TTC21B: variants seen among roughly 807,000 people sequenced by gnomAD.
The protein encoded by TTC21B is tetratricopeptide repeat protein 21B.
TTC21B carries 127 observed loss-of-function variants against 175.1 expected under a neutral mutation model. The observed-to-expected ratio is 0.73, with a 90% CI of 0.63 to 0.84. The LOEUF (loss-of-function observed/expected upper bound fraction) is 0.84, where lower values mean the gene tolerates loss of function less well. Ranked by LOEUF, TTC21B falls within the 40% of genes least tolerant of loss-of-function variation. The pLI is 0.00. For missense variants in TTC21B, 1,561 were observed against 1,558.3 expected (o/e 1.00, Z -0.03); for synonymous variants, 524 against 524.5 (o/e 1.00, Z 0.01).
intron 6 of TTC21B, among the ~76,000 whole-genome samples, chr2:165,937,598 C>T (rs1217789296): frequency 1.3e-5 from 2 of 151,852 alleles, no homozygotes; most frequent in Non-Finnish European, 2.9e-5. Context: ...TAAAACTACC[C>T]TAAAAATACT....
At chr2:165,934,784 G>C (rs1250612702) in intron 6 of TTC21B, 1 of 151,468 alleles carries the variant, frequency 6.6e-6, no homozygotes, top group Non-Finnish European at 1.5e-5. Context: ...AATTGGTGAG[G>C]ATAAGGTAAG....
intron 22 of TTC21B, among the ~76,000 whole-genome samples, chr2:165,896,133 A>AC (rs11273021): frequency 0.95 from 143,810 of 152,128 alleles, 68,505 homozygotes; most frequent in East Asian, 1. Context: ...CTGAGCACAG[A>AC]TGCCTAGGGC....
At chr2:165,940,665 C>A (rs1436484263) in intron 6 of TTC21B, among the ~76,000 whole-genome samples, 1 of 152,184 alleles carries the variant, frequency 6.6e-6, no homozygotes, top group Non-Finnish European at 1.5e-5. Flanking sequence ...CCTCAACACT[C>A]CCCATCTCTT....
In TTC21B at chr2:165,907,426, C is replaced by G. The variant is rs183622190; in HGVS notation, c.2568+252G>C. Among the ~76,000 whole-genome samples, 8 of 152,280 alleles carry G rather than the reference C, an allele frequency of 5.3e-5. No individual in the cohort carries two copies. In the East Asian group the frequency reaches 1.5e-3, roughly 29 times the overall value. On this transcript the variant is annotated intron_variant, in intron 19 of 28. Coordinates refer to ENST00000243344, the MANE Select transcript of TTC21B (RefSeq NM_024753.5). ...AATCCTGATGACACTATTCATATGA[C>G]TTCACACAAGTTAATCAAGTCTCCT...
chr2:165,902,010 T>C (rs1685586079), intron 19 of TTC21B, 100 bp from the exon 20 acceptor site: 2 of 1,049,268 alleles, frequency 1.9e-6, no homozygotes, highest in South Asian at 2.9e-5. Flanking sequence ...TTAAACATTA[T>C]GAACCCTTGA....
intron 24 of TTC21B, 143 bp downstream of exon 24, chr2:165,890,336 A>T (rs770222803): frequency 7.0e-6 from 5 of 718,952 alleles, no homozygotes; most frequent in Non-Finnish European, 1.2e-5. Flanking sequence ...TCTCTGAAAC[A>T]GGCAATGAAA....
chr2:165,885,879 C>A (rs1490526324), intron 25 of TTC21B, among the ~76,000 whole-genome samples: 2 of 152,188 alleles, frequency 1.3e-5, no homozygotes, highest in Non-Finnish European at 2.9e-5. Flanking sequence ...CTCTAAATTG[C>A]AGTAACTTTA....
intron 22 of TTC21B, among the ~76,000 whole-genome samples, chr2:165,895,319 A>AT (rs915359173): frequency 1.2e-4 from 19 of 152,112 alleles, no homozygotes; most frequent in South Asian, 4.1e-4. Context: ...TACTAAGCCA[A>AT]TTTTTTTGGG....
At chr2:165,908,974 C>T (rs892526221) in intron 18 of TTC21B, among the ~76,000 whole-genome samples, 1 of 152,040 alleles carries the variant, frequency 6.6e-6, no homozygotes, top group African/African-American at 2.4e-5. Flanking sequence ...TAAAGCTAAA[C>T]CAAAAGATCA....
rs368702934 is a variant in TTC21B, at chr2:165,921,751, T to G, written c.1517-2318A>C. ...GCAAAAACACTACTACTTAGACACA[T>G]GCTAGCAGTATTTCACATGAGTTAA... On this transcript the variant is annotated intron_variant, in intron 12 of 28. Transcript: ENST00000243344. 5.9e-5 allele frequency among the ~76,000 whole-genome samples: 9 copies of G among 151,936 alleles called. No homozygotes were observed. In the South Asian group the frequency reaches 1.5e-3, roughly 25 times the overall value.
At chr2:165,943,786 C>A in intron 4 of TTC21B, among the ~76,000 whole-genome samples, 1 of 152,072 alleles carries the variant, frequency 6.6e-6, no homozygotes. Context: ...GATAATCTGG[C>A]AACAATCTTC....
chr2:165,901,938 A>T (rs577731901), intron 19 of TTC21B, 28 bp from the exon 20 acceptor site: 191 of 495,250 alleles, frequency 3.9e-4, no homozygotes, highest in East Asian at 3.5e-3. Flanking sequence ...AAAAGGGAAT[A>T]AAAAAAAAAA....
Position 165,939,717 on chromosome 2 carries a change from C to T in TTC21B, c.710+1310G>A, listed in dbSNP as rs76144072. Among the ~76,000 whole-genome samples the T allele has an allele frequency of 3.4e-3, 514 of 152,260 alleles. 5 individuals are homozygous for T. The highest frequency in any genetic ancestry group is 0.027 in the Middle Eastern group (8 of 294). On this transcript the variant is annotated intron_variant, in intron 6 of 28. Coordinates refer to ENST00000243344, the MANE Select transcript of TTC21B (RefSeq NM_024753.5). ...CATACATCCATCTCTACTTTGACTT[C>T]TCATAGGCATTTCAAACTTACAATG...
chr2:165,908,151 A>G (rs1177896245), intron 18 of TTC21B, among the ~76,000 whole-genome samples: 1 of 152,192 alleles, frequency 6.6e-6, no homozygotes, highest in African/African-American at 2.4e-5. Flanking sequence ...TAAGAAGATA[A>G]CTGCTCTTTT....
At chr2:165,919,616 A>G (rs1686312681) in intron 12 of TTC21B, among the ~76,000 whole-genome samples, 183 bp from the exon 13 acceptor site, 1 of 152,162 alleles carries the variant, frequency 6.6e-6, no homozygotes, top group Admixed American at 6.5e-5. Context: ...GTCTACATGA[A>G]TGAATACACC....
chr2:165,944,928 C>A (rs891719425), intron 4 of TTC21B, among the ~76,000 whole-genome samples: 6 of 152,174 alleles, frequency 3.9e-5, no homozygotes, highest in African/African-American at 1.2e-4. Flanking sequence ...CAAAAAAATT[C>A]TTTCACATTC....
intron 19 of TTC21B, among the ~76,000 whole-genome samples, 197 bp downstream of exon 19, chr2:165,907,481 A>C (rs1685778135): frequency 6.6e-6 from 1 of 152,242 alleles, no homozygotes; most frequent in South Asian, 2.1e-4. Flanking sequence ...AAAAATTCCA[A>C]CCTTCCCAAA....
At chr2:165,926,194 A>G (rs980381445) in intron 11 of TTC21B, among the ~76,000 whole-genome samples, 3 of 152,192 alleles carry the variant, frequency 2.0e-5, no homozygotes, top group Non-Finnish European at 4.4e-5. Context: ...ATTTCCTGGT[A>G]AAGGAAAATA....
At chr2:165,918,175 G>A (rs1405338302) in intron 13 of TTC21B, among the ~76,000 whole-genome samples, 1 of 152,232 alleles carries the variant, frequency 6.6e-6, no homozygotes, top group Non-Finnish European at 1.5e-5. Flanking sequence ...AGCTTCGTGT[G>A]AGACTCACGC....
Sources: gnomAD v4.1 joint callset for allele counts (sites outside exome capture counted in the v4.1 genomes callset) on GRCh38, gnomAD v4.1.1 for gene constraint, MANE v1.5 for transcripts, NCBI Gene and HGNC (gene_info 2026-07-23, HGNC 2026-07-21) for gene names.